ALS2: variants seen among roughly 807,000 people sequenced by gnomAD.
ALS2 encodes the protein alsin Rho guanine nucleotide exchange factor ALS2, also known as alsin.
Under a neutral mutation model 203.4 loss-of-function variants are expected in ALS2, and 117 were observed. The ratio of observed to expected loss-of-function variants is 0.58; its 90% confidence interval spans 0.50 to 0.67. ALS2 has a LOEUF of 0.67. Ranked by LOEUF, ALS2 falls within the 30% of genes least tolerant of loss-of-function variation. The probability of loss-of-function intolerance (pLI) is 0.00; values close to 1 mark genes in which losing one functional copy is unlikely to be tolerated. For missense variants in ALS2, 1,715 were observed against 1,989.4 expected (o/e 0.86, Z 2.62); for synonymous variants, 718 against 725.9 (o/e 0.99, Z 0.17).
chr2:201,754,640 C>T lies in ALS2; in HGVS notation c.1503G>A (p.Arg501=), dbSNP rs892424583. Residue 501 remains arginine (R), a synonymous_variant, in exon 6 of 34, where the codon CGG becomes CGA. Transcript: ENST00000264276. ...VSPRLLRKAA[R]VKTRTVVLTP... is the part of the protein sequence containing the mutation. ...TCAGAACCACTGTCCTCGTTTTCAC[C>T]CGTGCAGCCTTTCTTAAGAGCCTGG... The T allele has an allele frequency of 3.1e-6, 5 of 1,613,998 alleles. No homozygotes were observed. The highest frequency in any genetic ancestry group is 4.2e-6 in the Non-Finnish European group (5 of 1,180,022).
chr2:201,722,894 G>A (rs1690899229), intron 23 of ALS2, 149 bp downstream of exon 23: 1 of 638,998 alleles, frequency 1.6e-6, no homozygotes. Flanking sequence ...TTGTGGTGGT[G>A]GTTTGTACAG....
chr2:201,717,311 A>T (rs1574681896), intron 24 of ALS2, among the ~76,000 whole-genome samples: 4 of 151,988 alleles, frequency 2.6e-5, no homozygotes, highest in Middle Eastern at 6.8e-3. Context: ...CTAAAAATAC[A>T]AAAAATTAGC....
At chr2:201,734,768 C>T (rs1182673977) in intron 12 of ALS2, among the ~76,000 whole-genome samples, 1 of 152,156 alleles carries the variant, frequency 6.6e-6, no homozygotes, top group Non-Finnish European at 1.5e-5. Context: ...TACCTATAAT[C>T]TTCCCCGAAA....
intron 19 of ALS2, among the ~76,000 whole-genome samples, chr2:201,726,113 C>T (rs112872034): frequency 4.0e-4 from 61 of 152,184 alleles, no homozygotes; most frequent in African/African-American, 1.4e-3. Context: ...TGACTTAAAA[C>T]GACTGAAAGG....
intron 13 of ALS2, among the ~76,000 whole-genome samples, chr2:201,731,065 C>A (rs138609704): frequency 3.0e-4 from 46 of 152,080 alleles, no homozygotes; most frequent in Admixed American, 1.8e-3. Flanking sequence ...TGGGTGTAAC[C>A]GCTACACCAT....
chr2:201,777,265 G>A (rs927287617), intron 1 of ALS2, among the ~76,000 whole-genome samples: 1 of 151,602 alleles, frequency 6.6e-6, no homozygotes, highest in Non-Finnish European at 1.5e-5. Context: ...ATGTCCTAAA[G>A]AAAGCATTTT....
At chr2:201,740,420 C>CATTTTTAA (rs1692198014) in intron 11 of ALS2, among the ~76,000 whole-genome samples, 1 of 152,032 alleles carries the variant, frequency 6.6e-6, no homozygotes, top group Non-Finnish European at 1.5e-5. Flanking sequence ...GTATCAAAAG[C>CATTTTTAA]ATTTTTAAGC....
rs571161154 is a variant in ALS2, at chr2:201,707,843, C to T, written c.4403+26G>A. On this transcript the variant is annotated intron_variant, in intron 28 of 33. Coordinates refer to ENST00000264276, the MANE Select transcript of ALS2 (RefSeq NM_020919.4). ...TCATCTAGTCACCATTCCCTTTCTTCACTGTCCCCACCCAACTCCATTTAC... is the reference window on the plus strand; with the variant it reads ...TCATCTAGTCACCATTCCCTTTCTTTACTGTCCCCACCCAACTCCATTTAC... The T allele has an allele frequency of 4.3e-6, 7 of 1,611,054 alleles. No individual in the cohort carries two copies. In the African/African-American group the frequency reaches 6.7e-5, roughly 15 times the overall value.
chr2:201,709,752 T>G, intron 27 of ALS2, 129 bp downstream of exon 27: 2 of 1,131,062 alleles, frequency 1.8e-6, no homozygotes, highest in Non-Finnish European at 2.6e-6. Context: ...ATTTAAAACA[T>G]GTTTTACTTA....
chr2:201,740,230 G>A (rs188995318), intron 11 of ALS2, among the ~76,000 whole-genome samples: 24 of 152,264 alleles, frequency 1.6e-4, no homozygotes, highest in African/African-American at 5.8e-4. Flanking sequence ...GGGAGGCTGA[G>A]GTGGGAGGAT....
At chr2:201,742,775 T>C (rs1258876668) in intron 10 of ALS2, among the ~76,000 whole-genome samples, 1 of 152,096 alleles carries the variant, frequency 6.6e-6, no homozygotes, top group Non-Finnish European at 1.5e-5. Context: ...GTTTTTCCAC[T>C]AGAAACAATG....
In ALS2 at chr2:201,758,495, A is replaced by C. The variant is rs548105469; in HGVS notation, c.1114-736T>G. Among the ~76,000 whole-genome samples, 608 of 152,280 alleles carry C rather than the reference A, an allele frequency of 4.0e-3. 6 individuals are homozygous for C. Among genetic ancestry groups the C allele is most frequent in the Non-Finnish European group, 4.9e-3 (332 of 68,018 alleles). ...CCAGTGTTCTTAGTGTGATTCTAGA[A>C]GTGTACTAGAAAGTCAAACTAAAGT... is the stretch of plus-strand genomic sequence containing the variant. On this transcript the variant is annotated intron_variant, in intron 4 of 33. Coordinates refer to ENST00000264276, the MANE Select transcript of ALS2 (RefSeq NM_020919.4).
intron 27 of ALS2, among the ~76,000 whole-genome samples, chr2:201,709,519 C>G (rs1689909885): frequency 6.6e-6 from 1 of 152,116 alleles, no homozygotes; most frequent in Admixed American, 6.5e-5. Flanking sequence ...CACAAAAACT[C>G]AAGGGCAAAA....
At chr2:201,759,272 T>A (rs1282236970) in intron 4 of ALS2, among the ~76,000 whole-genome samples, 1 of 152,170 alleles carries the variant, frequency 6.6e-6, no homozygotes, top group South Asian at 2.1e-4. Context: ...ATGAAATATA[T>A]AATTTTAGGA....
At chr2:201,722,851 T>C (rs1440461166) in intron 23 of ALS2, 192 bp downstream of exon 23, 1 of 586,828 alleles carries the variant, frequency 1.7e-6, no homozygotes, top group Non-Finnish European at 3.0e-6. Context: ...CAGAAGGGAT[T>C]TTCTTGGGCG....
intron 27 of ALS2, among the ~76,000 whole-genome samples, chr2:201,708,448 C>T (rs567556068): frequency 3.3e-5 from 5 of 152,072 alleles, no homozygotes; most frequent in Non-Finnish European, 7.4e-5. Flanking sequence ...TTGTGTTGCA[C>T]GGATATATCA....
At chr2:201,721,933 A>T (rs1574694177) in intron 23 of ALS2, 1 of 152,186 alleles carries the variant, frequency 6.6e-6, no homozygotes, top group African/African-American at 2.4e-5. Flanking sequence ...AAAGTGCTGG[A>T]ATTACAGGTT....
intron 12 of ALS2, 149 bp downstream of exon 12, chr2:201,738,521 T>C (rs1574734249): frequency 5.4e-6 from 4 of 741,910 alleles, no homozygotes. Flanking sequence ...ATAGTACCTG[T>C]CCTTTATAAG....
intron 22 of ALS2, 34 bp downstream of exon 22, chr2:201,723,296 G>A (rs1359822176): frequency 6.5e-7 from 1 of 1,540,380 alleles, no homozygotes; most frequent in Admixed American, 1.7e-5. Flanking sequence ...GCTTTAAAAA[G>A]TTAGTAATAA....
Sources: gnomAD v4.1 joint callset for allele counts (sites outside exome capture counted in the v4.1 genomes callset) on GRCh38, gnomAD v4.1.1 for gene constraint, MANE v1.5 for transcripts, NCBI Gene and HGNC (gene_info 2026-07-23, HGNC 2026-07-21) for gene names.